Variants in CHRM3 observed in about 807,000 individuals in gnomAD.
CHRM3 encodes the protein cholinergic receptor muscarinic 3.
CHRM3 carries 11 observed loss-of-function variants against 41.8 expected under a neutral mutation model. The ratio of observed to expected loss-of-function variants is 0.26; its 90% CI spans 0.17 to 0.44. The LOEUF is 0.44. Ranked by LOEUF, CHRM3 falls within the 20% of genes least tolerant of loss-of-function variation. CHRM3 has a pLI of 1.00. For synonymous variants in CHRM3, 297 were observed against 301.4 expected (o/e 0.99, Z 0.15); for missense variants, 571 against 745.4 (o/e 0.77, Z 2.72).
chr1:239,848,624 G>A (rs1386921461), intron 6 of CHRM3, among the ~76,000 whole-genome samples: 1 of 152,030 alleles, frequency 6.6e-6, no homozygotes, highest in Admixed American at 6.6e-5. Flanking sequence ...TTCACACCTA[G>A]GAAGCAGCAG....
At chr1:239,420,842 A>G (rs1024296689) in intron 1 of CHRM3, among the ~76,000 whole-genome samples, 1 of 152,296 alleles carries the variant, frequency 6.6e-6, no homozygotes, top group South Asian at 2.1e-4. Context: ...TAAATATACC[A>G]TAATATTAAA....
At chr1:239,509,999 G>T (rs1463541127) in intron 2 of CHRM3, among the ~76,000 whole-genome samples, 2 of 152,192 alleles carry the variant, frequency 1.3e-5, no homozygotes, top group African/African-American at 4.8e-5. Context: ...TGAGGCAGGA[G>T]AATCGCTTGA....
rs147790926 is a variant in CHRM3 at position 239,803,122 on chromosome 1, T to G, written c.-146-24130T>G. ...CACAATATAAAATACTCTCAAACCC[T>G]TTTTTGGGGGTAACATGGTGAAGGC... On this transcript the variant is annotated intron_variant, in intron 5 of 6. Transcript: ENST00000676153. Among the ~76,000 whole-genome samples the G allele has an allele frequency of 9.0e-3, 1,374 of 152,246 alleles. 13 individuals are homozygous for G. The highest frequency in any genetic ancestry group is 0.027 in the Middle Eastern group (8 of 294).
At chr1:239,592,060 C>A (rs1572829770) in intron 3 of CHRM3, among the ~76,000 whole-genome samples, 1 of 152,078 alleles carries the variant, frequency 6.6e-6, no homozygotes, top group Non-Finnish European at 1.5e-5. Context: ...GAATTCCAGT[C>A]TTTTATTTTC....
chr1:239,399,010 A>C (rs1223432452), intron 1 of CHRM3, among the ~76,000 whole-genome samples: 1 of 152,198 alleles, frequency 6.6e-6, no homozygotes, highest in African/African-American at 2.4e-5. Context: ...AAGAAAAAGT[A>C]ATATGTTGGA....
intron 1 of CHRM3, among the ~76,000 whole-genome samples, chr1:239,434,700 C>A (rs1663096131): frequency 6.6e-6 from 1 of 151,844 alleles, no homozygotes; most frequent in Non-Finnish European, 1.5e-5. Context: ...GCAAAACAGA[C>A]AAAAATTTCT....
intron 3 of CHRM3, among the ~76,000 whole-genome samples, chr1:239,562,460 C>T (rs1355680029): frequency 6.6e-6 from 1 of 152,090 alleles, no homozygotes; most frequent in East Asian, 1.9e-4. Context: ...AACACTTCAC[C>T]ATAAAAATAA....
chr1:239,461,024 T>A (rs964088057), intron 1 of CHRM3, among the ~76,000 whole-genome samples: 2 of 152,144 alleles, frequency 1.3e-5, no homozygotes, highest in Admixed American at 1.3e-4. Flanking sequence ...AGCCTAATAT[T>A]CAAGAAAAAT....
intron 6 of CHRM3, among the ~76,000 whole-genome samples, chr1:239,906,059 TG>T (rs529548411): frequency 4.3e-4 from 66 of 152,326 alleles, no homozygotes; most frequent in African/African-American, 1.5e-3. Context: ...TGAGAAAACT[TG>T]GACTCAAAGA....
intron 5 of CHRM3, among the ~76,000 whole-genome samples, chr1:239,765,327 A>G (rs1018646401): frequency 2.6e-5 from 4 of 152,184 alleles, no homozygotes; most frequent in Non-Finnish European, 4.4e-5. Flanking sequence ...GTCCTTGGCC[A>G]TTGGTCCTGG....
At chr1:239,712,200 A>G (rs571121971) in intron 5 of CHRM3, among the ~76,000 whole-genome samples, 44 of 152,326 alleles carry the variant, frequency 2.9e-4, no homozygotes, top group African/African-American at 9.6e-4. Context: ...TTTATTCACT[A>G]TAATTGTCCC....
chr1:239,561,226 C>T (rs1660827619), intron 3 of CHRM3, among the ~76,000 whole-genome samples: 1 of 152,198 alleles, frequency 6.6e-6, no homozygotes, highest in African/African-American at 2.4e-5. Flanking sequence ...TGTCACATGA[C>T]ATTAACGTAA....
At chr1:239,446,217 G>A (rs1031548119) in intron 1 of CHRM3, among the ~76,000 whole-genome samples, 5 of 152,156 alleles carry the variant, frequency 3.3e-5, no homozygotes, top group Non-Finnish European at 5.9e-5. Context: ...TTACAGGCGT[G>A]AGCCACCATG....
At chr1:239,658,490 T>G (rs1422682828) in intron 4 of CHRM3, among the ~76,000 whole-genome samples, 1 of 152,188 alleles carries the variant, frequency 6.6e-6, no homozygotes, top group Non-Finnish European at 1.5e-5. Context: ...CATTTTTCAA[T>G]TGCATGCTGT....
At chr1:239,581,257 T>A (rs1238084285) in intron 3 of CHRM3, among the ~76,000 whole-genome samples, 2 of 152,140 alleles carry the variant, frequency 1.3e-5, no homozygotes, top group African/African-American at 2.4e-5. Context: ...ATAGAAAAGT[T>A]ATTTTCTTTA....
At chr1:239,473,873 A>C (rs920457661) in intron 1 of CHRM3, among the ~76,000 whole-genome samples, 2 of 152,116 alleles carry the variant, frequency 1.3e-5, no homozygotes, top group Middle Eastern at 3.4e-3. Context: ...AAATTTCAAA[A>C]AAAAAAATGC....
chr1:239,721,187 G>A (rs533380596), intron 5 of CHRM3, among the ~76,000 whole-genome samples: 14 of 151,896 alleles, frequency 9.2e-5, no homozygotes, highest in African/African-American at 3.4e-4. Flanking sequence ...AAAGTGATAC[G>A]ATAAAAGAGT....
chr1:239,638,466 G>A (rs1181476947), intron 4 of CHRM3, among the ~76,000 whole-genome samples: 2 of 152,150 alleles, frequency 1.3e-5, no homozygotes, highest in East Asian at 3.8e-4. Context: ...TAACTGGTGT[G>A]AGATGTTATC....
chr1:239,821,746 A>G (rs1260626270), intron 5 of CHRM3, among the ~76,000 whole-genome samples: 1 of 152,198 alleles, frequency 6.6e-6, no homozygotes, highest in African/African-American at 2.4e-5. Flanking sequence ...TACTTGGAAC[A>G]CTTGGAAACT....
Sources: allele counts gnomAD v4.1 joint callset (sites outside exome capture counted in the v4.1 genomes callset), GRCh38; gene constraint gnomAD v4.1.1; transcripts MANE v1.5; gene names NCBI Gene and HGNC (gene_info 2026-07-23, HGNC 2026-07-21).